The following MYO16 variants were observed in gnomAD, a reference collection of about 807,000 sequenced individuals.
MYO16 encodes the protein unconventional myosin-XVI.
In MYO16, 94 loss-of-function variants were observed where a neutral mutation model predicts 205.3. The observed-to-expected ratio is 0.46, with a 90% CI of 0.39 to 0.54. The LOEUF (loss-of-function observed/expected upper bound fraction) is 0.54. Among genes scored for constraint, MYO16 ranks in the 20% least tolerant of loss-of-function variants. The pLI, the probability that MYO16 is intolerant of heterozygous loss-of-function variation, is 0.00. For synonymous variants in MYO16, 988 were observed against 954.0 expected (o/e 1.04, Z -0.66); for missense variants, 2,315 against 2,387.5 (o/e 0.97, Z 0.63).
At chr13:109,033,215 G>C (rs540009700) in intron 23 of MYO16, among the ~76,000 whole-genome samples, 1 of 152,014 alleles carries the variant, frequency 6.6e-6, no homozygotes, top group Non-Finnish European at 1.5e-5. Flanking sequence ...GTTTCCTCTC[G>C]TCTCTCTGTT....
At chr13:108,588,861 A>G in the MYO16 span, among the ~76,000 whole-genome samples, 3 of 151,258 alleles carry the variant, frequency 2.0e-5, no homozygotes, top group Non-Finnish European at 4.4e-5. Flanking sequence ...CCTGAGAGAT[A>G]AATATACTTT....
intron 32 of MYO16, among the ~76,000 whole-genome samples, chr13:109,145,933 T>C (rs529215509): frequency 6.6e-6 from 1 of 152,270 alleles, no homozygotes; most frequent in South Asian, 2.1e-4. Context: ...TTAACGAAAA[T>C]CAGACTCAAA....
chr13:108,708,632 G>C (rs1227086060), intron 2 of MYO16, among the ~76,000 whole-genome samples: 1 of 152,200 alleles, frequency 6.6e-6, no homozygotes, highest in Non-Finnish European at 1.5e-5. Context: ...GGTATGCTTA[G>C]TTTTATCTTC....
chr13:109,059,779 C>A (rs9514968), intron 27 of MYO16, among the ~76,000 whole-genome samples: 75,081 of 151,922 alleles, frequency 0.49, 18,552 homozygotes, highest in Middle Eastern at 0.55. Flanking sequence ...TCCCATCTAT[C>A]AATTTTGGCT....
chr13:109,181,799 A>AATTT (rs140737637), intron 34 of MYO16, among the ~76,000 whole-genome samples: 10,658 of 148,290 alleles, frequency 0.072, 910 homozygotes, highest in East Asian at 0.28. Context: ...TGTTTCATAA[A>AATTT]ATTTATTTAT....
At chr13:108,897,624 CTT>C (rs1880492085) in intron 14 of MYO16, among the ~76,000 whole-genome samples, 1 of 152,190 alleles carries the variant, frequency 6.6e-6, no homozygotes, top group Non-Finnish European at 1.5e-5. Context: ...TGAATTCTGA[CTT>C]TTGCCTATAT....
intron 16 of MYO16, among the ~76,000 whole-genome samples, chr13:108,947,599 C>T (rs147775815): frequency 1.3e-5 from 2 of 152,192 alleles, no homozygotes; most frequent in Non-Finnish European, 2.9e-5. Context: ...GGACACAAGG[C>T]TCGGGGATGA....
intron 2 of MYO16, among the ~76,000 whole-genome samples, chr13:108,690,142 A>C (rs1882835979): frequency 6.6e-6 from 1 of 152,084 alleles, no homozygotes; most frequent in Non-Finnish European, 1.5e-5. Flanking sequence ...GATACCATGC[A>C]AAACAAAACA....
intron 11 of MYO16, among the ~76,000 whole-genome samples, chr13:108,864,741 G>T (rs1878620163): frequency 6.6e-6 from 1 of 151,830 alleles, no homozygotes; most frequent in Admixed American, 6.6e-5. Context: ...TGTTACCCAG[G>T]CTAATCTTGA....
intron 25 of MYO16, among the ~76,000 whole-genome samples, chr13:109,054,473 A>T (rs952057202): frequency 2.0e-5 from 3 of 152,106 alleles, no homozygotes; most frequent in Admixed American, 6.6e-5. Flanking sequence ...TCTTTGTAAC[A>T]TAAAACACCA....
At chr13:108,726,615 T>G (rs1011555020) in intron 3 of MYO16, among the ~76,000 whole-genome samples, 30 of 151,952 alleles carry the variant, frequency 2.0e-4, no homozygotes, top group Non-Finnish European at 4.0e-4. Context: ...CTGGATGATT[T>G]GAAGAGGCCA....
At chr13:109,197,569 G>A (rs1259647757) in intron 34 of MYO16, among the ~76,000 whole-genome samples, 1 of 152,028 alleles carries the variant, frequency 6.6e-6, no homozygotes, top group Non-Finnish European at 1.5e-5. Context: ...TAGGCTCCAA[G>A]GACACCATAG....
chr13:109,078,822 A>G lies in MYO16; in HGVS notation c.3336-21963A>G, dbSNP rs1594065303. 2.6e-5 allele frequency among the ~76,000 whole-genome samples: 4 copies of G among 152,190 alleles called. No homozygotes were observed. The South Asian group carries it at 8.3e-4, about 32-fold the overall frequency. ...CAATCGAGTTTTGTACGCAGTGCCCATGAATTACACAGTTTTTTACTCTGG... is the reference window on the plus strand; with the variant it reads ...CAATCGAGTTTTGTACGCAGTGCCCGTGAATTACACAGTTTTTTACTCTGG... On this transcript the variant is annotated intron_variant, in intron 27 of 34. Coordinates refer to ENST00000457511, the MANE Select transcript of MYO16 (RefSeq NM_001198950.3).
intron 27 of MYO16, among the ~76,000 whole-genome samples, chr13:109,057,323 A>G (rs1287502067): frequency 6.6e-6 from 1 of 152,178 alleles, no homozygotes; most frequent in Admixed American, 6.5e-5. Context: ...GCAGAACCAC[A>G]TGGGGATGGA....
At chr13:109,092,467 A>G (rs1888653279) in intron 27 of MYO16, among the ~76,000 whole-genome samples, 1 of 152,224 alleles carries the variant, frequency 6.6e-6, no homozygotes, top group Non-Finnish European at 1.5e-5. Context: ...ATCCTTAGCA[A>G]ACCAACAGAG....
chr13:109,042,263 A>C (rs1886907602), intron 23 of MYO16, among the ~76,000 whole-genome samples: 1 of 152,244 alleles, frequency 6.6e-6, no homozygotes, highest in Admixed American at 6.5e-5. Flanking sequence ...TTTTATCTTT[A>C]AATGGAAAAG....
chr13:108,616,854 T>C (rs1879367691), intron 1 of MYO16, among the ~76,000 whole-genome samples: 1 of 152,186 alleles, frequency 6.6e-6, no homozygotes, highest in Admixed American at 6.5e-5. Flanking sequence ...AGATAAAGTA[T>C]TGTGTACATT....
intron 27 of MYO16, among the ~76,000 whole-genome samples, chr13:109,076,413 C>G (rs1465698315): frequency 6.6e-6 from 1 of 152,090 alleles, no homozygotes; most frequent in Non-Finnish European, 1.5e-5. Context: ...TGAAACAACA[C>G]AGAGTTGATG....
Position 108,643,329 on chromosome 13 carries a change from A to G in MYO16, c.28+13457A>G, listed in dbSNP as rs80132573. On this transcript the variant is annotated intron_variant, in intron 1 of 34. Coordinates refer to ENST00000457511, the MANE Select transcript of MYO16 (RefSeq NM_001198950.3). ...GATCCAGCCAAGTTGTTGTCTACCA[A>G]TGCTTCTTCCTTTTAATTACTGAGT... Among the ~76,000 whole-genome samples, 1,333 of 152,282 alleles carry G rather than the reference A, an allele frequency of 8.8e-3. 17 individuals carry two copies. The highest frequency in any genetic ancestry group is 0.03 in the African/African-American group (1,240 of 41,568).
Sources: allele counts gnomAD v4.1 joint callset (sites outside exome capture counted in the v4.1 genomes callset), GRCh38; gene constraint gnomAD v4.1.1; transcripts MANE v1.5; gene names NCBI Gene and HGNC (gene_info 2026-07-23, HGNC 2026-07-21).